The following CCNI variants were observed in gnomAD, a reference collection of about 807,000 sequenced individuals.
CCNI encodes cyclin I.
In CCNI, 14 loss-of-function variants were observed where a neutral mutation model predicts 34.1. That is an observed-to-expected ratio of 0.41 (90% CI 0.27 to 0.64). The LOEUF (loss-of-function observed/expected upper bound fraction) is 0.64, where lower values mean the gene tolerates loss of function less well. Among genes scored for constraint, CCNI ranks in the 30% least tolerant of loss-of-function variants. The probability of loss-of-function intolerance (pLI) is 0.31; values close to 1 mark genes in which losing one functional copy is unlikely to be tolerated. For missense variants in CCNI, 385 were observed against 440.5 expected, an observed-to-expected ratio of 0.87 and a Z score of 1.13; for synonymous variants, 154 against 158.4, an observed-to-expected ratio of 0.97 and a Z score of 0.21.
intron 6 of CCNI, among the ~76,000 whole-genome samples, chr4:77,052,024 A>G (rs1336999689): frequency 6.6e-6 from 1 of 151,028 alleles, no homozygotes; most frequent in East Asian, 1.9e-4. Context: ...AACTAGATAT[A>G]TATTGCATGA....
intron 1 of CCNI, among the ~76,000 whole-genome samples, chr4:77,069,077 C>A (rs1729264871): frequency 6.6e-6 from 1 of 152,154 alleles, no homozygotes; most frequent in African/African-American, 2.4e-5. Flanking sequence ...ACTCTTGATT[C>A]TTTAATCATG....
rs374233951 is a variant in CCNI, at chr4:77,055,168, T to C, written c.672A>G (p.Glu224=). 3.3e-5 allele frequency: 54 copies of C among 1,612,506 alleles called. No individual in the cohort carries two copies. The highest frequency in any genetic ancestry group is 5.0e-5 in the Admixed American group (3 of 60,000). ...CACCTACCTGTGCTTTCTGAAGCAG[T>C]TCAATTGTAAGAGAAAGCCAATCAG... ...LIPDWLSLTI[E]LLQKAQMDSS... is the part of the protein sequence containing the mutation. Residue 224 remains glutamate, a synonymous_variant, in exon 6 of 7, where the codon GAA becomes GAG. Transcript: ENST00000237654.
At chr4:77,052,234 G>A (rs776622955) in intron 6 of CCNI, among the ~76,000 whole-genome samples, 14 of 151,834 alleles carry the variant, frequency 9.2e-5, no homozygotes, top group East Asian at 1.9e-4. Flanking sequence ...CTGTTCCTGC[G>A]TTAATTCACT....
intron 1 of CCNI, among the ~76,000 whole-genome samples, chr4:77,071,373 T>A (rs533847551): frequency 1.3e-5 from 2 of 152,120 alleles, no homozygotes; most frequent in South Asian, 4.1e-4. Flanking sequence ...AGAAATAAAT[T>A]AATACCTGAA....
chr4:77,048,962 G>GTTTTTTTTTTTTT (rs538284505), intron 6 of CCNI, among the ~76,000 whole-genome samples: 13 of 47,654 alleles, frequency 2.7e-4, no homozygotes, highest in Non-Finnish European at 5.1e-4. Context: ...TCCAACGTCT[G>GTTTTTTTTTTTTT]TTTTTTTTTT....
chr4:77,061,637 CA>C (rs1560777583), intron 2 of CCNI, among the ~76,000 whole-genome samples: 1 of 152,132 alleles, frequency 6.6e-6, no homozygotes, highest in African/African-American at 2.4e-5. Context: ...GCATGGCATA[CA>C]AATCTATGAC....
In CCNI at chr4:77,075,474, T is replaced by C; in HGVS notation, c.-46A>G. 42 of 539,728 alleles carry C rather than the reference T, an allele frequency of 7.8e-5. No homozygotes were observed. The highest frequency in any genetic ancestry group is 9.9e-5 in the Non-Finnish European group (42 of 423,128). 33.4% of individuals were successfully genotyped at this position (539,728 alleles called of 1,614,324 possible). ...CCGCCCCCGCCCCCGCCCCTCACCT[T>C]CTCCTCCTCTTCCTCCTCCTCCTCC... is the stretch of plus-strand genomic sequence containing the variant. On this transcript the variant is annotated splice_region_variant and 5_prime_UTR_variant, in exon 1 of 7. Coordinates refer to ENST00000237654, the MANE Select transcript of CCNI (RefSeq NM_006835.3).
intron 2 of CCNI, 88 bp from the exon 3 acceptor site, chr4:77,058,723 T>A: frequency 9.4e-7 from 1 of 1,058,906 alleles, no homozygotes; most frequent in African/African-American, 1.6e-5. Flanking sequence ...AAAGGTTAGG[T>A]AATACTACAA....
intron 3 of CCNI, 81 bp downstream of exon 3, chr4:77,058,426 C>T (rs1166122179): frequency 2.7e-6 from 3 of 1,112,906 alleles, no homozygotes; most frequent in African/African-American, 3.2e-5. Context: ...TTCTACCTTA[C>T]AGAATGTTCA....
intron 1 of CCNI, among the ~76,000 whole-genome samples, chr4:77,071,424 A>T (rs1350068963): frequency 1.3e-5 from 2 of 152,228 alleles, no homozygotes; most frequent in Non-Finnish European, 2.9e-5. Context: ...TCAAGAGCCT[A>T]ATCTTCCACC....
intron 6 of CCNI, among the ~76,000 whole-genome samples, chr4:77,053,652 G>A (rs1204145776): frequency 6.6e-6 from 1 of 152,154 alleles, no homozygotes; most frequent in Non-Finnish European, 1.5e-5. Context: ...TATCTTGAGA[G>A]TAAGCACAGA....
Position 77,065,821 on chromosome 4 carries a change from C to T in CCNI, c.114+428G>A, listed in dbSNP as rs552161630. 1.6e-4 allele frequency among the ~76,000 whole-genome samples: 25 copies of T among 152,178 alleles called. 1 individual carries two copies. In the South Asian group the frequency reaches 4.4e-3, roughly 26 times the overall value. On this transcript the variant is annotated intron_variant, in intron 2 of 6. Transcript: ENST00000237654. ...CAGGAGTTTTTAAAAAAGAAGAGGC[C>T]GGGCATGGTGGCTCACGCCTATAAT...
chr4:77,054,690 A>G (rs1056236794), intron 6 of CCNI, among the ~76,000 whole-genome samples: 5 of 152,262 alleles, frequency 3.3e-5, no homozygotes, highest in African/African-American at 1.2e-4. Context: ...CTCTTTCAGA[A>G]AAGTGGCTTC....
chr4:77,050,327 T>C (rs1016750973), intron 6 of CCNI, among the ~76,000 whole-genome samples: 1 of 152,140 alleles, frequency 6.6e-6, no homozygotes, highest in Non-Finnish European at 1.5e-5. Context: ...TCATATAACC[T>C]GCAGCACTCA....
intron 2 of CCNI, among the ~76,000 whole-genome samples, chr4:77,060,099 GA>G (rs5859559): frequency 0.37 from 54,888 of 146,954 alleles, 10,654 homozygotes; most frequent in African/African-American, 0.49. Flanking sequence ...GGGTATGGGA[GA>G]AAAAAAAAAA....
intron 2 of CCNI, among the ~76,000 whole-genome samples, chr4:77,062,339 G>A (rs1728672591): frequency 1.3e-5 from 2 of 152,202 alleles, no homozygotes; most frequent in Non-Finnish European, 2.9e-5. Flanking sequence ...GGCCAAGGCA[G>A]GAAAACTGCT....
chr4:77,055,443 T>C lies in CCNI; in HGVS notation c.460-63A>G, dbSNP rs919640829. Reference sequence around the variant, plus strand: ...ATATCTGGGAAATTACATATAGAAATTGATGCAACCTATTCAATTTCTTTT... The same window carrying C: ...ATATCTGGGAAATTACATATAGAAACTGATGCAACCTATTCAATTTCTTTT... On this transcript the variant is annotated intron_variant, in intron 5 of 6. Coordinates refer to ENST00000237654, the MANE Select transcript of CCNI (RefSeq NM_006835.3). 15 of 1,136,732 alleles carry C rather than the reference T, an allele frequency of 1.3e-5. No homozygotes were observed. The Admixed American group carries it at 2.2e-4, about 17-fold the overall frequency. 70.4% of individuals were successfully genotyped at this position (1,136,732 alleles called of 1,614,324 possible).
intron 1 of CCNI, among the ~76,000 whole-genome samples, chr4:77,068,989 T>C (rs1173378071): frequency 2.0e-5 from 3 of 152,160 alleles, no homozygotes; most frequent in African/African-American, 4.8e-5. Flanking sequence ...CATACTAAGA[T>C]GACAAGGGGT....
chr4:77,060,188 TAAG>T (rs1728507477), intron 2 of CCNI, among the ~76,000 whole-genome samples: 1 of 152,054 alleles, frequency 6.6e-6, no homozygotes, highest in Non-Finnish European at 1.5e-5. Flanking sequence ...CATACAATTG[TAAG>T]AAGAATCACA....
Sources: gnomAD v4.1 joint callset for allele counts (sites outside exome capture counted in the v4.1 genomes callset) on GRCh38, gnomAD v4.1.1 for gene constraint, MANE v1.5 for transcripts, NCBI Gene and HGNC (gene_info 2026-07-23, HGNC 2026-07-21) for gene names.